AUP1: variants seen among roughly 807,000 people sequenced by gnomAD.
AUP1 encodes AUP1 lipid droplet regulating VLDL assembly factor.
AUP1 carries 30 observed loss-of-function variants against 51.8 expected under a neutral mutation model. That is an observed-to-expected ratio of 0.58 (90% CI 0.43 to 0.79). The LOEUF (loss-of-function observed/expected upper bound fraction) is 0.79, where lower values mean the gene tolerates loss of function less well. AUP1 is among the 30% of genes least tolerant of loss of function. AUP1 has a pLI of 0.00. For synonymous variants in AUP1, 227 were observed against 209.0 expected, an observed-to-expected ratio of 1.09 and a Z score of -0.74; for missense variants, 492 against 517.1, an observed-to-expected ratio of 0.95 and a Z score of 0.47.
At chr2:74,526,859 T>C in intron 11 of AUP1, 23 bp from the exon 12 acceptor site, 2 of 1,588,704 alleles carry the variant, frequency 1.3e-6, no homozygotes, top group Non-Finnish European at 1.7e-6. Flanking sequence ...GGGAGAGATA[T>C]TATTCAGGCT....
Position 74,529,490 on chromosome 2 carries a change from A to G in AUP1, c.60T>C (p.Gly20=), listed in dbSNP as rs1572992298. The part of the protein sequence containing the change: ...ERLFDSHRLP[G]DCFLLLVLLL... ...GCAGCACGAGCAGTAGGAAGCAGTC[A>G]CCCGGAAGCCTGGGGGCGAGAGGCG... Residue 20 remains glycine, a synonymous_variant, in exon 2 of 12, where the codon GGT becomes GGC. Coordinates refer to ENST00000377526, the MANE Select transcript of AUP1 (RefSeq NM_181575.5). The G allele has an allele frequency of 6.4e-7, 1 of 1,553,832 alleles. No individual in the cohort carries two copies. Among genetic ancestry groups the G allele is most frequent in the Non-Finnish European group, 8.7e-7 (1 of 1,146,852 alleles).
In AUP1 at chr2:74,529,033, C is replaced by A. The variant is rs148541618; in HGVS notation, c.340-98G>T. The A allele has an allele frequency of 1.2e-5, 19 of 1,605,520 alleles. No individual in the cohort carries two copies. In the East Asian group the frequency reaches 4.2e-4, roughly 36 times the overall value. ...TAGAGGATCGGGGTTAGGGGTAAGG[C>A]TCAGTATCCTCCATGGGGAACGCGA... is the stretch of plus-strand genomic sequence containing the variant. On this transcript the variant is annotated intron_variant, in intron 3 of 11. Coordinates refer to ENST00000377526, the MANE Select transcript of AUP1 (RefSeq NM_181575.5).
At position 74,527,530 on chromosome 2, in the gene AUP1, G is replaced by A. The variant is rs754606862; in HGVS notation, c.902C>T (p.Ala301Val). Residue 301 changes from alanine (A) to valine (V), a missense_variant, in exon 9 of 12, where the codon GCT becomes GTT. Physicochemically the swap from Ala to Val is moderately conservative, Grantham distance 64. Transcript: ENST00000377526. ...GGGCAAAACTTCCTTGACTCTCTGA[G>A]CCAGAGTTGCCAGTTGCACATCAGG... is the stretch of plus-strand genomic sequence containing the variant. ...PSPDVQLATL[A>V]QRVKEVLPHV... 7 of 1,613,900 alleles carry A rather than the reference G, an allele frequency of 4.3e-6. No individual in the cohort carries two copies. The South Asian group carries it at 7.7e-5, about 18-fold the overall frequency.
In AUP1 at chr2:74,528,557, T is replaced by A. The variant is rs1675315045; in HGVS notation, c.525-68A>T. 4.1e-6 allele frequency: 6 copies of A among 1,466,152 alleles called. No homozygotes were observed. In the Admixed American group the frequency reaches 1.0e-4, roughly 25 times the overall value. 90.8% of individuals were successfully genotyped at this position (1,466,152 alleles called of 1,614,324 possible). A position where few individuals can be genotyped will look rare whatever the true frequency, so the allele number is the denominator to read the frequency against. On this transcript the variant is annotated intron_variant, in intron 4 of 11. Transcript: ENST00000377526. ...TAGTCAGCAGCTCACACCTGCCTTATAACAGGCAACTGTCAAACTCTACAA... is the reference window on the plus strand; with the variant it reads ...TAGTCAGCAGCTCACACCTGCCTTAAAACAGGCAACTGTCAAACTCTACAA...
Position 74,526,732 on chromosome 2 carries a change from G to T in AUP1, c.*68C>A, listed in dbSNP as rs1675203969. The T allele has an allele frequency of 1.3e-6, 2 of 1,489,822 alleles. No individual in the cohort carries two copies. 92.3% of individuals were successfully genotyped at this position (1,489,822 alleles called of 1,614,324 possible). A position where few individuals can be genotyped will look rare whatever the true frequency, so the allele number is the denominator to read the frequency against. ...TTACCACCCACCCATCCAGCCTGTT[G>T]TGAGTTGGGTGAGGGCTGCCCCCAG... On this transcript the variant is annotated 3_prime_UTR_variant, in exon 12 of 12. Coordinates refer to ENST00000377526, the MANE Select transcript of AUP1 (RefSeq NM_181575.5).
intron 2 of AUP1, 35 bp from the exon 3 acceptor site, chr2:74,529,317 G>T (rs757524718): frequency 6.2e-7 from 1 of 1,613,804 alleles, no homozygotes; most frequent in Non-Finnish European, 8.5e-7. Flanking sequence ...GTGTGGCCTC[G>T]GGCCAGACCC....
Position 74,528,939 on chromosome 2 carries a change from G to A in AUP1, c.340-4C>T. 6.2e-7 allele frequency: 1 copy of A among 1,613,964 alleles called. No individual in the cohort carries two copies. Among genetic ancestry groups the A allele is most frequent in the Non-Finnish European group, 8.5e-7 (1 of 1,179,950 alleles). Reference sequence around the variant, plus strand: ...TGGGGGGACTATTGAGTAGAGGCTGGGAACCAGGAGAAGAGAAAGCAAGAA... The same window carrying A: ...TGGGGGGACTATTGAGTAGAGGCTGAGAACCAGGAGAAGAGAAAGCAAGAA... On this transcript the variant is annotated splice_polypyrimidine_tract_variant and splice_region_variant and intron_variant, in intron 3 of 11. Coordinates refer to ENST00000377526, the MANE Select transcript of AUP1 (RefSeq NM_181575.5).
Position 74,527,254 on chromosome 2 carries a change from G to A in AUP1, c.1071C>T (p.Ala357=), listed in dbSNP as rs115791197. The A allele has an allele frequency of 1.0e-3, 1,639 of 1,613,634 alleles. 15 individuals are homozygous for A. In the African/African-American group the frequency reaches 0.015, roughly 14 times the overall value. ...ACCATTTCCTGGGTCTCACCTTGGA[G>A]GCAGAGGCTGTGGGTAGGGACTGAG... ...KGTQSLPTAS[A]SKFPSSGPVT... Residue 357 remains alanine (A), a synonymous_variant, in exon 10 of 12, where the codon GCC becomes GCT. Coordinates refer to ENST00000377526, the MANE Select transcript of AUP1 (RefSeq NM_181575.5).
In AUP1 at chr2:74,527,934, G is replaced by A. The variant is rs758545596; in HGVS notation, c.738+6C>T. ...CCGCCTCCACCCTGTCTGTGCACCCGACCACCTGTTGTACACGGAGTGCAA... is the reference window on the plus strand; with the variant it reads ...CCGCCTCCACCCTGTCTGTGCACCCAACCACCTGTTGTACACGGAGTGCAA... On this transcript the variant is annotated splice_donor_region_variant and intron_variant, in intron 7 of 11. Coordinates refer to ENST00000377526, the MANE Select transcript of AUP1 (RefSeq NM_181575.5). 9.9e-6 allele frequency: 16 copies of A among 1,614,050 alleles called. No individual in the cohort carries two copies. In the South Asian group the frequency reaches 1.1e-4, roughly 11 times the overall value.
In AUP1 at chr2:74,528,476, A is replaced by C; in HGVS notation, c.538T>G (p.Ser180Ala). 1 of 1,613,472 alleles carries C rather than the reference A, an allele frequency of 6.2e-7. No homozygotes were observed. Among genetic ancestry groups the C allele is most frequent in the Non-Finnish European group, 8.5e-7 (1 of 1,179,642 alleles). Residue 180 changes from serine (S) to alanine (A), a missense_variant, in exon 5 of 12, where the codon TCT becomes GCT. Ser to Ala is a moderately conservative substitution (Grantham distance 99). Transcript: ENST00000377526. ...AGAGGTTGTACCACATCTTGGATAGAAAATGGCCAGGAACTAGAAGAGGAA... is the reference window on the plus strand; with the variant it reads ...AGAGGTTGTACCACATCTTGGATAGCAAATGGCCAGGAACTAGAAGAGGAA... ...GLLRFSSWPF[S>A]IQDVVQPLTL...
Position 74,527,332 on chromosome 2 carries a change from A to G in AUP1, c.993T>C (p.Thr331=). 6.2e-7 allele frequency: 1 copy of G among 1,614,156 alleles called. No individual in the cohort carries two copies. The change falls in exon 10 of 12, where the codon ACT becomes ACC. Residue 331 remains threonine (T), a synonymous_variant. Transcript: ENST00000377526. Reference sequence around the variant, plus strand: ...AAGCTACGGCCCCCTCAAGCAGATTAGTGATAGTCAAGTCTACACAGCCAG... The same window carrying G: ...AAGCTACGGCCCCCTCAAGCAGATTGGTGATAGTCAAGTCTACACAGCCAG... ...AKTGCVDLTI[T]NLLEGAVAFM...
In AUP1 at chr2:74,528,505, G is replaced by C. The variant is rs1474821805; in HGVS notation, c.525-16C>G. On this transcript the variant is annotated splice_polypyrimidine_tract_variant and intron_variant, in intron 4 of 11. Coordinates refer to ENST00000377526, the MANE Select transcript of AUP1 (RefSeq NM_181575.5). ...TGGCCAGGAACTAGAAGAGGAAGGA[G>C]AAAGTAGGATGGGAATCCAGCCAGC... The C allele has an allele frequency of 4.4e-6, 7 of 1,606,630 alleles. No homozygotes were observed. The Admixed American group carries it at 5.0e-5, about 11-fold the overall frequency.
rs1675287161 is a variant in AUP1 at position 74,528,114 on chromosome 2, T to C, written c.672-108A>G. On this transcript the variant is annotated intron_variant, in intron 6 of 11. Coordinates refer to ENST00000377526, the MANE Select transcript of AUP1 (RefSeq NM_181575.5). ...TGGTGGGTGGGAAAATAGTAAATAC[T>C]GTAAATACTTTGTGTTGCCTCTGTG... 8.0e-6 allele frequency: 12 copies of C among 1,491,316 alleles called. No homozygotes were observed. In the South Asian group the frequency reaches 1.4e-4, roughly 17 times the overall value. The allele number at this position is 1,491,316 out of a possible 1,614,324, so 92.4% of individuals were successfully genotyped here.
In AUP1 at chr2:74,527,858, T is replaced by C. The variant is rs1391910274; in HGVS notation, c.739-20A>G. ...CACCAGCTAGGGAGAATTGGAAGAC[T>C]GGAAGTGTCAAGATCTCAAGCTTTC... On this transcript the variant is annotated intron_variant, in intron 7 of 11. Coordinates refer to ENST00000377526, the MANE Select transcript of AUP1 (RefSeq NM_181575.5). The C allele has an allele frequency of 2.5e-6, 4 of 1,613,814 alleles. No individual in the cohort carries two copies. Among genetic ancestry groups the C allele is most frequent in the East Asian group, 2.2e-5 (1 of 44,872 alleles).
intron 3 of AUP1, 23 bp from the exon 4 acceptor site, chr2:74,528,958 G>A: frequency 6.2e-7 from 1 of 1,610,734 alleles, no homozygotes; most frequent in Middle Eastern, 1.7e-4. Flanking sequence ...AGAAGAGAAA[G>A]CAAGAAGAAA....
chr2:74,529,654 C>G lies in AUP1; in HGVS notation c.-25G>C. The stretch of plus-strand genomic sequence containing the variant: ...TAACTGCTGCTTCAGGAGCGCCCGG[C>G]CGTCGCCGCCGCCGCCATTTTCGCG... On this transcript the variant is annotated 5_prime_UTR_variant, in exon 1 of 12. Coordinates refer to ENST00000377526, the MANE Select transcript of AUP1 (RefSeq NM_181575.5). 8 of 1,546,606 alleles carry G rather than the reference C, an allele frequency of 5.2e-6. No homozygotes were observed. Among genetic ancestry groups the G allele is most frequent in the Non-Finnish European group, 7.0e-6 (8 of 1,148,306 alleles).
Position 74,526,840 on chromosome 2 carries a change from T to C in AUP1, c.1197-4A>G. 1 of 1,569,786 alleles carries C rather than the reference T, an allele frequency of 6.4e-7. No individual in the cohort carries two copies. The highest frequency in any genetic ancestry group is 8.7e-7 in the Non-Finnish European group (1 of 1,155,060). On this transcript the variant is annotated splice_polypyrimidine_tract_variant and splice_region_variant and intron_variant, in intron 11 of 11. Coordinates refer to ENST00000377526, the MANE Select transcript of AUP1 (RefSeq NM_181575.5). Reference sequence around the variant, plus strand: ...GGCTCGTCTCTCTGTGAATCTCCTGTGGGACATAGGGAGAGATATTATTCA... The same window carrying C: ...GGCTCGTCTCTCTGTGAATCTCCTGCGGGACATAGGGAGAGATATTATTCA...
chr2:74,528,496 G>A lies in AUP1; in HGVS notation c.525-7C>T. The stretch of plus-strand genomic sequence containing the variant: ...GATAGAAAATGGCCAGGAACTAGAA[G>A]AGGAAGGAGAAAGTAGGATGGGAAT... On this transcript the variant is annotated splice_region_variant and splice_polypyrimidine_tract_variant and intron_variant, in intron 4 of 11. Transcript: ENST00000377526. 2 of 1,610,954 alleles carry A rather than the reference G, an allele frequency of 1.2e-6. No individual in the cohort carries two copies. Among genetic ancestry groups the A allele is most frequent in the South Asian group, 1.1e-5 (1 of 90,976 alleles).
rs1352772159 is a variant in AUP1, at chr2:74,527,716, A to C, written c.841+20T>G. 1 of 1,610,788 alleles carries C rather than the reference A, an allele frequency of 6.2e-7. No homozygotes were observed. Among genetic ancestry groups the C allele is most frequent in the South Asian group, 1.1e-5 (1 of 90,706 alleles). ...GAAAAAAAAAAACCCCAAAAGCTGT[A>C]ATGTATAGAGACCACATACCTGACT... On this transcript the variant is annotated intron_variant, in intron 8 of 11. Coordinates refer to ENST00000377526, the MANE Select transcript of AUP1 (RefSeq NM_181575.5).
Sources: allele counts gnomAD v4.1 joint callset, GRCh38; gene constraint gnomAD v4.1.1; transcripts MANE v1.5; gene names NCBI Gene and HGNC (gene_info 2026-07-23, HGNC 2026-07-21).